The following MTBP variants were observed in gnomAD, a reference collection of about 807,000 sequenced individuals.
MTBP encodes the protein MDM2 binding protein, also known as mdm2-binding protein.
MTBP carries 101 observed loss-of-function variants against 117.0 expected under a neutral mutation model. The ratio of observed to expected loss-of-function variants is 0.86; its 90% CI spans 0.73 to 1.02. The LOEUF (loss-of-function observed/expected upper bound fraction) is 1.02. Among genes scored for constraint, MTBP ranks in the 50% least tolerant of loss-of-function variants. MTBP has a pLI of 0.00. For synonymous variants in MTBP, 350 were observed against 351.5 expected (o/e 1.00, Z 0.05); for missense variants, 970 against 1,030.9 (o/e 0.94, Z 0.81).
At position 120,446,596 on chromosome 8, in the gene MTBP, A is replaced by G. The variant is rs190821880; in HGVS notation, c.199+83A>G. On this transcript the variant is annotated intron_variant, in intron 2 of 21. Coordinates refer to ENST00000305949, the MANE Select transcript of MTBP (RefSeq NM_022045.5). ...AATTAATTTGGACCCTAAGGAGTAC[A>G]AGGAAATACTTCTTGACTGTGTACA... 1.1e-3 allele frequency: 928 copies of G among 848,134 alleles called. 7 individuals carry two copies. In the African/African-American group the frequency reaches 0.014, roughly 13 times the overall value. The allele number at this position is 848,134 out of a possible 1,614,324, so 52.5% of individuals were successfully genotyped here.
chr8:120,465,910 A>G (rs1200906103), intron 10 of MTBP, among the ~76,000 whole-genome samples: 3 of 152,210 alleles, frequency 2.0e-5, no homozygotes, highest in South Asian at 4.1e-4. Flanking sequence ...CCATCTAGTT[A>G]TTGAAGATAG....
In MTBP at chr8:120,481,180, A is replaced by G. The variant is rs922905862; in HGVS notation, c.1166-6979A>G. ...ATGGCTGTAATTGAAAACAGTGACT[A>G]TCAAATGTTGATGAGGATGTGGAGA... On this transcript the variant is annotated intron_variant, in intron 11 of 21. Coordinates refer to ENST00000305949, the MANE Select transcript of MTBP (RefSeq NM_022045.5). Among the ~76,000 whole-genome samples the G allele has an allele frequency of 2.6e-5, 4 of 152,210 alleles. No homozygotes were observed. The East Asian group carries it at 5.8e-4, about 22-fold the overall frequency.
intron 10 of MTBP, among the ~76,000 whole-genome samples, 168 bp downstream of exon 10, chr8:120,463,929 C>G (rs918808180): frequency 6.6e-6 from 1 of 151,982 alleles, no homozygotes; most frequent in African/African-American, 2.4e-5. Flanking sequence ...ATACTTTGGA[C>G]TTTTCATAAT....
At chr8:120,468,276 A>G (rs1055055588) in intron 10 of MTBP, among the ~76,000 whole-genome samples, 17 of 152,298 alleles carry the variant, frequency 1.1e-4, no homozygotes, top group African/African-American at 3.6e-4. Flanking sequence ...TGTTCCTAAC[A>G]TATTAGGTTG....
At chr8:120,470,289 C>T (rs1340434947) in intron 10 of MTBP, among the ~76,000 whole-genome samples, 1 of 152,164 alleles carries the variant, frequency 6.6e-6, no homozygotes, top group Non-Finnish European at 1.5e-5. Context: ...TGTTTTCTAG[C>T]ATATAATTCA....
chr8:120,463,568 A>G, intron 9 of MTBP, 124 bp from the exon 10 acceptor site: 3 of 704,500 alleles, frequency 4.3e-6, no homozygotes, highest in Non-Finnish European at 2.3e-6. Flanking sequence ...GTTAACTGCT[A>G]CAGTTAAATT....
At chr8:120,475,651 A>G (rs911903577) in intron 11 of MTBP, among the ~76,000 whole-genome samples, 2 of 152,000 alleles carry the variant, frequency 1.3e-5, no homozygotes, top group African/African-American at 4.8e-5. Context: ...ATGCCTTTTA[A>G]AATTGGTATT....
intron 17 of MTBP, among the ~76,000 whole-genome samples, chr8:120,515,018 A>C (rs763469373): frequency 2.7e-5 from 4 of 147,992 alleles, no homozygotes; most frequent in African/African-American, 4.9e-5. Context: ...TAAAACCTCC[A>C]TCAAGCAGTC....
chr8:120,472,646 A>G (rs908540528), intron 11 of MTBP: 5 of 152,244 alleles, frequency 3.3e-5, no homozygotes, highest in East Asian at 1.9e-4. Context: ...TCTCTCCTGC[A>G]AGTTAGCTGG....
chr8:120,518,423 C>G lies in MTBP; in HGVS notation c.2497-281C>G, dbSNP rs541312826. Among the ~76,000 whole-genome samples, 4 of 152,160 alleles carry G rather than the reference C, an allele frequency of 2.6e-5. No individual in the cohort carries two copies. The South Asian group carries it at 6.2e-4, about 24-fold the overall frequency. On this transcript the variant is annotated intron_variant, in intron 19 of 21. Transcript: ENST00000305949. ...ATAAATATACACTTACATATCCCTG[C>G]TGTGTGTAACTTTAACACTCAGATT... is the stretch of plus-strand genomic sequence containing the variant.
At chr8:120,464,084 C>G (rs1313494057) in intron 10 of MTBP, among the ~76,000 whole-genome samples, 1 of 151,944 alleles carries the variant, frequency 6.6e-6, no homozygotes, top group South Asian at 2.1e-4. Context: ...CATGCGATTT[C>G]AATTTTATGA....
chr8:120,473,378 G>A (rs1458756702), intron 11 of MTBP: 1 of 152,066 alleles, frequency 6.6e-6, no homozygotes, highest in Non-Finnish European at 1.5e-5. Flanking sequence ...GCAAGTTATC[G>A]TTAACATCAG....
chr8:120,463,691 G>A lies in MTBP; in HGVS notation c.978-1G>A, dbSNP rs533726161. The stretch of plus-strand genomic sequence containing the variant: ...ATCATTTCTTTAACTCCTTAGTACA[G>A]AGGATTGACAAACAGTACCAAACAG... On this transcript the variant is annotated splice_acceptor_variant, in intron 9 of 21. Coordinates refer to ENST00000305949, the MANE Select transcript of MTBP (RefSeq NM_022045.5). LOFTEE classifies it high-confidence loss of function. 1 of 1,609,042 alleles carries A rather than the reference G, an allele frequency of 6.2e-7. No individual in the cohort carries two copies. Among genetic ancestry groups the A allele is most frequent in the Non-Finnish European group, 8.5e-7 (1 of 1,176,702 alleles).
intron 11 of MTBP, among the ~76,000 whole-genome samples, chr8:120,478,316 G>A (rs887233076): frequency 1.3e-5 from 2 of 151,914 alleles, no homozygotes; most frequent in African/African-American, 4.8e-5. Flanking sequence ...GGTTTGATGG[G>A]TGCAGCAAAG....
chr8:120,490,837 G>A (rs1374918298), intron 13 of MTBP: 2 of 240,488 alleles, frequency 8.3e-6, no homozygotes, highest in Non-Finnish European at 1.6e-5. Context: ...GTTTTTAATT[G>A]TATGCTAGAG....
At chr8:120,467,372 T>C (rs776402722) in intron 10 of MTBP, among the ~76,000 whole-genome samples, 6 of 152,168 alleles carry the variant, frequency 3.9e-5, no homozygotes, top group Non-Finnish European at 7.4e-5. Context: ...CCCACCACTT[T>C]GGGAGGCCAA....
chr8:120,498,072 A>G (rs940894744), intron 14 of MTBP, among the ~76,000 whole-genome samples: 3 of 152,184 alleles, frequency 2.0e-5, no homozygotes, highest in Non-Finnish European at 4.4e-5. Context: ...GATGAATTTG[A>G]ATAACCTTGT....
Position 120,517,905 on chromosome 8 carries a change from T to C in MTBP, c.2301T>C (p.Ser767=), listed in dbSNP as rs1174208079. ...ESLLSQTTGN[S]NHYHHHVTSR... ...TTCTTTCTCAGACAACTGGTAATAG[T>C]AATCACTATCATCATCATGTGACAT... The change falls in exon 19 of 22, where the codon AGT becomes AGC. Residue 767 remains serine (S), a synonymous_variant. Transcript: ENST00000305949. 3 of 1,611,298 alleles carry C rather than the reference T, an allele frequency of 1.9e-6. No homozygotes were observed. The African/African-American group carries it at 4.0e-5, about 22-fold the overall frequency.
intron 11 of MTBP, among the ~76,000 whole-genome samples, chr8:120,476,895 A>T (rs1034099651): frequency 6.6e-6 from 1 of 152,232 alleles, no homozygotes; most frequent in African/African-American, 2.4e-5. Flanking sequence ...AGAATTAGAA[A>T]AACTACTTTA....
Sources: allele counts gnomAD v4.1 joint callset (sites outside exome capture counted in the v4.1 genomes callset), GRCh38; gene constraint gnomAD v4.1.1; transcripts MANE v1.5; gene names NCBI Gene and HGNC (gene_info 2026-07-23, HGNC 2026-07-21).